The following LIAT1 variants were observed in gnomAD, a reference collection of about 807,000 sequenced individuals.
The protein encoded by LIAT1 is ligand of ATE1.
the LIAT1 span, among the ~76,000 whole-genome samples, chr17:411,856 G>A: frequency 6.6e-6 from 1 of 152,354 alleles, no homozygotes; most frequent in South Asian, 2.1e-4. Flanking sequence ...TGTCGCCCGT[G>A]TGGTCCACCT....
the LIAT1 span, chr17:414,011 C>T: frequency 6.2e-7 from 1 of 1,614,242 alleles, no homozygotes; most frequent in Non-Finnish European, 8.5e-7. This position sits in a 1 kb window ranked among gnomAD's most constrained non-coding sequence, Gnocchi z 4.1. Context: ...CAGCTCCAGC[C>T]ACAGGCAGCC....
At chr17:411,584 A>C in the LIAT1 span, among the ~76,000 whole-genome samples, 34 of 152,042 alleles carry the variant, frequency 2.2e-4, no homozygotes, top group African/African-American at 8.2e-4. Flanking sequence ...ATGCACACAC[A>C]TTCCTAGTCT....
the LIAT1 span, chr17:413,435 C>G: frequency 3.7e-6 from 6 of 1,613,816 alleles, no homozygotes; most frequent in Non-Finnish European, 5.1e-6. Context: ...AAAACGGTAC[C>G]GGTGCTTGGC....
chr17:410,471 G>C, the LIAT1 span: 1 of 1,542,286 alleles, frequency 6.5e-7, no homozygotes, highest in Non-Finnish European at 8.7e-7. Flanking sequence ...GCGGTGGGGC[G>C]GGGACAATGG....
At chr17:411,132 G>A in the LIAT1 span, among the ~76,000 whole-genome samples, 1 of 152,308 alleles carries the variant, frequency 6.6e-6, no homozygotes, top group African/African-American at 2.4e-5. Context: ...ATGCGCGGTA[G>A]ACACCCACAC....
At chr17:411,165 T>C in the LIAT1 span, among the ~76,000 whole-genome samples, 1 of 152,054 alleles carries the variant, frequency 6.6e-6, no homozygotes, top group African/African-American at 2.4e-5. Context: ...GTATTAAAGG[T>C]CCTCGCTGCA....
chr17:414,366 G>A, the LIAT1 span: 2 of 494,578 alleles, frequency 4.0e-6, no homozygotes, highest in Non-Finnish European at 7.2e-6. This position sits in a 1 kb window ranked among gnomAD's most constrained non-coding sequence, Gnocchi z 4.1. Flanking sequence ...AAGCATCTCT[G>A]TTACTTAATT....
At chr17:413,139 A>G in the LIAT1 span, 12 of 1,613,066 alleles carry the variant, frequency 7.4e-6, no homozygotes, top group Admixed American at 1.7e-5. Context: ...CTGCTCATCT[A>G]CTCAGCAGAT....
chr17:414,208 A>G, the LIAT1 span: 3 of 1,433,514 alleles, frequency 2.1e-6, no homozygotes, highest in South Asian at 1.4e-5. This position sits in a 1 kb window ranked among gnomAD's most constrained non-coding sequence, Gnocchi z 4.1. Context: ...TGAGACCCGT[A>G]TCTGAAGGAA....
the LIAT1 span, chr17:413,617 C>T: frequency 6.5e-7 from 1 of 1,547,158 alleles, no homozygotes; most frequent in East Asian, 2.4e-5. Context: ...TCCACCCCGA[C>T]CCCGAGGCCC....
the LIAT1 span, chr17:413,300 C>T: frequency 6.2e-7 from 1 of 1,614,262 alleles, no homozygotes; most frequent in Non-Finnish European, 8.5e-7. Context: ...CACCGTCAGC[C>T]TCCCCGACTT....
At chr17:410,673 G>A in the LIAT1 span, 38 of 1,532,842 alleles carry the variant, frequency 2.5e-5, no homozygotes, top group Admixed American at 1.8e-4. Flanking sequence ...GCCCGGCTGC[G>A]TCAGCTCCGG....
At chr17:410,748 TG>T in the LIAT1 span, 2 of 1,153,336 alleles carry the variant, frequency 1.7e-6, no homozygotes, top group South Asian at 1.5e-5. Context: ...AGAAGCTCAG[TG>T]GTCCCGGACC....
chr17:413,052 C>A, the LIAT1 span: 1 of 1,460,470 alleles, frequency 6.8e-7, no homozygotes, highest in Non-Finnish European at 9.2e-7. Context: ...GAGGGGCCCC[C>A]ATCCTCCTCT....
chr17:413,580 A>C, the LIAT1 span: 139 of 1,467,396 alleles, frequency 9.5e-5, 9 homozygotes, highest in Non-Finnish European at 1.2e-4. Flanking sequence ...AAGGGCATCC[A>C]CCCCGACCCC....
At chr17:410,763 G>A in the LIAT1 span, 1 of 934,892 alleles carries the variant, frequency 1.1e-6, no homozygotes, top group Non-Finnish European at 1.6e-6. Context: ...CCGGACCGAG[G>A]TCCTCCTGCT....
the LIAT1 span, among the ~76,000 whole-genome samples, chr17:411,125 C>T: frequency 6.6e-6 from 1 of 152,212 alleles, no homozygotes; most frequent in Non-Finnish European, 1.5e-5. Context: ...CCTGTGGATG[C>T]GCGGTAGACA....
At chr17:410,484 T>A in the LIAT1 span, 1 of 1,541,798 alleles carries the variant, frequency 6.5e-7, no homozygotes, top group Non-Finnish European at 8.7e-7. Context: ...GACAATGGGG[T>A]ACAAGGACAA....
chr17:412,648 T>C, the LIAT1 span, among the ~76,000 whole-genome samples: 5 of 152,196 alleles, frequency 3.3e-5, no homozygotes, highest in Non-Finnish European at 7.3e-5. Context: ...CAGTCAAATT[T>C]AGGAAGCTTT....
Sources: allele counts gnomAD v4.1 joint callset (sites outside exome capture counted in the v4.1 genomes callset), GRCh38; gene constraint gnomAD v4.1.1; non-coding constraint Gnocchi (gnomAD v3.1); transcripts MANE v1.5; gene names NCBI Gene and HGNC (gene_info 2026-07-23, HGNC 2026-07-21).